The following RGS6 variants were observed in gnomAD, a reference collection of about 807,000 sequenced individuals.
RGS6 encodes regulator of G protein signaling 6, also known as regulator of G-protein signaling 6.
RGS6 carries 30 observed loss-of-function variants against 78.5 expected under a neutral mutation model. That is an observed-to-expected ratio of 0.38 (90% CI 0.29 to 0.52). The LOEUF (loss-of-function observed/expected upper bound fraction) is 0.52. Among genes scored for constraint, RGS6 ranks in the 20% least tolerant of loss-of-function variants. The probability of loss-of-function intolerance (pLI) is 0.85; values close to 1 mark genes in which losing one functional copy is unlikely to be tolerated. For synonymous variants in RGS6, 206 were observed against 206.0 expected (o/e 1.00, Z 0.00); for missense variants, 495 against 609.7 (o/e 0.81, Z 1.98).
At chr14:72,370,248 T>C (rs1443003478) in intron 3 of RGS6, among the ~76,000 whole-genome samples, 2 of 152,112 alleles carry the variant, frequency 1.3e-5, no homozygotes, top group African/African-American at 4.8e-5. Context: ...TCCATAGATA[T>C]GATGGTGGCC....
chr14:71,988,878 C>A (rs2094835701), intron 2 of RGS6, among the ~76,000 whole-genome samples: 1 of 152,160 alleles, frequency 6.6e-6, no homozygotes, highest in African/African-American at 2.4e-5. Context: ...TATACAAGAC[C>A]TGCCATTCAC....
the RGS6 span, chr14:72,629,568 C>T: frequency 6.7e-7 from 1 of 1,482,250 alleles, no homozygotes. Context: ...CTTCACCCCT[C>T]AAAGGACCCC....
chr14:72,603,398 G>T, the RGS6 span, among the ~76,000 whole-genome samples: 1 of 152,204 alleles, frequency 6.6e-6, no homozygotes, highest in East Asian at 1.9e-4. Flanking sequence ...ATCTGCTTCT[G>T]ATTCTGCCAG....
chr14:71,945,137 C>T lies in RGS6; in HGVS notation c.-21+12196C>T, dbSNP rs1322063950. On this transcript the variant is annotated intron_variant, in intron 1 of 17. Coordinates refer to ENST00000553525, the MANE Select transcript of RGS6 (RefSeq NM_001204424.2). ...AATATAAACTCCTTATAGTTAAAGCCATCTCAGACCACCCTAGCTAAAATA... is the reference window on the plus strand; with the variant it reads ...AATATAAACTCCTTATAGTTAAAGCTATCTCAGACCACCCTAGCTAAAATA... Among the ~76,000 whole-genome samples the T allele has an allele frequency of 6.6e-5, 10 of 152,234 alleles. No individual in the cohort carries two copies. In the South Asian group the frequency reaches 8.3e-4, roughly 13 times the overall value.
intron 2 of RGS6, among the ~76,000 whole-genome samples, chr14:72,101,437 G>C (rs1005757245): frequency 6.6e-6 from 1 of 152,188 alleles, no homozygotes; most frequent in African/African-American, 2.4e-5. Flanking sequence ...TCAATAGATA[G>C]TTGTAGAATA....
Position 72,240,884 on chromosome 14 carries a change from C to T in RGS6, c.85-111211C>T, listed in dbSNP as rs1354422909. On this transcript the variant is annotated intron_variant, in intron 2 of 17. Coordinates refer to ENST00000553525, the MANE Select transcript of RGS6 (RefSeq NM_001204424.2). The stretch of plus-strand genomic sequence containing the variant: ...AATTAAACTTACGCCTTTGGCCAGG[C>T]GCGGTGGCTCACCCCTGTAATCCCA... Among the ~76,000 whole-genome samples, 7 of 152,092 alleles carry T rather than the reference C, an allele frequency of 4.6e-5. No individual in the cohort carries two copies. The South Asian group carries it at 6.2e-4, about 14-fold the overall frequency.
chr14:71,888,463 A>G, the RGS6 span, among the ~76,000 whole-genome samples: 1 of 151,584 alleles, frequency 6.6e-6, no homozygotes, highest in African/African-American at 2.4e-5. Flanking sequence ...AGAAGGGGGA[A>G]TTTATCTGCC....
chr14:72,002,309 A>C (rs1167888130), intron 2 of RGS6, among the ~76,000 whole-genome samples: 2 of 152,196 alleles, frequency 1.3e-5, no homozygotes, highest in Non-Finnish European at 2.9e-5. Context: ...CCCAGATCAC[A>C]CAGCTTATTA....
chr14:72,390,548 T>C lies in RGS6; in HGVS notation c.184+38354T>C, dbSNP rs2089685606. Reference sequence around the variant, plus strand: ...TATGAAAAGTTTTAATTGTAAATTTTAATTCTCATGTGAAATGAAAATTTT... The same window carrying C: ...TATGAAAAGTTTTAATTGTAAATTTCAATTCTCATGTGAAATGAAAATTTT... On this transcript the variant is annotated intron_variant, in intron 3 of 17. Coordinates refer to ENST00000553525, the MANE Select transcript of RGS6 (RefSeq NM_001204424.2). 3.3e-5 allele frequency among the ~76,000 whole-genome samples: 5 copies of C among 152,220 alleles called. No individual in the cohort carries two copies. The South Asian group carries it at 1.0e-3, about 32-fold the overall frequency.
At chr14:72,557,123 G>A (rs920973404) in intron 17 of RGS6, among the ~76,000 whole-genome samples, 1 of 152,204 alleles carries the variant, frequency 6.6e-6, no homozygotes, top group Non-Finnish European at 1.5e-5. Flanking sequence ...TACCTCTGTT[G>A]TGGAGGAACC....
intron 3 of RGS6, among the ~76,000 whole-genome samples, chr14:72,452,851 A>G (rs1484752311): frequency 1.3e-5 from 2 of 152,218 alleles, no homozygotes; most frequent in African/African-American, 4.8e-5. Context: ...GAACTCCTCT[A>G]CTGCCATGTA....
chr14:72,016,011 G>C (rs1288326104), intron 2 of RGS6, among the ~76,000 whole-genome samples: 1 of 151,852 alleles, frequency 6.6e-6, no homozygotes, highest in Non-Finnish European at 1.5e-5. Context: ...CTTATGTTTT[G>C]ACTTTTTATG....
chr14:71,893,248 C>T, the RGS6 span, among the ~76,000 whole-genome samples: 3 of 152,164 alleles, frequency 2.0e-5, no homozygotes, highest in African/African-American at 7.2e-5. Context: ...AGGGTTTGAT[C>T]AAGAATTTTG....
chr14:72,540,781 C>T, intron 17 of RGS6: 1 of 985,382 alleles, frequency 1.0e-6, no homozygotes. Context: ...CCGGCCTCCT[C>T]AGGCCTTGAT....
At chr14:72,254,395 C>G (rs1321622572) in intron 2 of RGS6, among the ~76,000 whole-genome samples, 1 of 152,104 alleles carries the variant, frequency 6.6e-6, no homozygotes, top group Non-Finnish European at 1.5e-5. Flanking sequence ...GCCTCTTGTG[C>G]GATGGTTGGC....
intron 17 of RGS6, chr14:72,540,887 C>T: frequency 1.0e-6 from 1 of 985,422 alleles, no homozygotes; most frequent in Non-Finnish European, 1.2e-6. Context: ...CACATAAAGA[C>T]AGCCGTGGCA....
intron 2 of RGS6, among the ~76,000 whole-genome samples, chr14:72,178,735 A>G (rs557496898): frequency 1.1e-4 from 17 of 152,316 alleles, no homozygotes; most frequent in Admixed American, 3.9e-4. Context: ...CCTAAATTGC[A>G]GGGTCGTGGA....
At chr14:72,237,800 A>G (rs1321573202) in intron 2 of RGS6, among the ~76,000 whole-genome samples, 1 of 152,176 alleles carries the variant, frequency 6.6e-6, no homozygotes, top group Non-Finnish European at 1.5e-5. Context: ...TGAACCCCGT[A>G]CTGGTACTGG....
chr14:72,394,321 G>A (rs1454556936), intron 3 of RGS6, among the ~76,000 whole-genome samples: 1 of 152,120 alleles, frequency 6.6e-6, no homozygotes, highest in Non-Finnish European at 1.5e-5. Flanking sequence ...TATGGTGTGG[G>A]TCACAGAGAT....
Sources: allele counts gnomAD v4.1 joint callset (sites outside exome capture counted in the v4.1 genomes callset), GRCh38; gene constraint gnomAD v4.1.1; transcripts MANE v1.5; gene names NCBI Gene and HGNC (gene_info 2026-07-23, HGNC 2026-07-21).